INPP4A: variants seen among roughly 807,000 people sequenced by gnomAD.
INPP4A encodes the protein inositol polyphosphate-4-phosphatase, type I, 107kD.
Under a neutral mutation model 119.8 loss-of-function variants are expected in INPP4A, and 33 were observed. The ratio of observed to expected loss-of-function variants is 0.28; its 90% CI spans 0.21 to 0.37. The LOEUF (loss-of-function observed/expected upper bound fraction) is 0.37, where lower values mean the gene tolerates loss of function less well. Among genes scored for constraint, INPP4A ranks in the 10% least tolerant of loss-of-function variants. The probability of loss-of-function intolerance (pLI) is 1.00; values close to 1 mark genes in which losing one functional copy is unlikely to be tolerated. For missense variants in INPP4A, 956 were observed against 1,289.9 expected (o/e 0.74, Z 3.97); for synonymous variants, 496 against 500.7 (o/e 0.99, Z 0.12).
In INPP4A at chr2:98,480,943, C is replaced by T. The variant is rs540901940; in HGVS notation, c.-166+35858C>T. On this transcript the variant is annotated intron_variant, in intron 1 of 24. Coordinates refer to ENST00000409851, the MANE Select transcript of INPP4A (RefSeq NM_001134225.2). ...CCAGCCCCAGGAAGGAGTTGTGGTGCTGCACGTGCTCCATTCTCACATGCT... is the reference window on the plus strand; with the variant it reads ...CCAGCCCCAGGAAGGAGTTGTGGTGTTGCACGTGCTCCATTCTCACATGCT... Among the ~76,000 whole-genome samples, 26 of 152,338 alleles carry T rather than the reference C, an allele frequency of 1.7e-4. No individual in the cohort carries two copies. The South Asian group carries it at 5.4e-3, about 32-fold the overall frequency.
intron 1 of INPP4A, among the ~76,000 whole-genome samples, chr2:98,475,898 T>A (rs1179960395): frequency 3.3e-5 from 5 of 152,254 alleles, no homozygotes; most frequent in Non-Finnish European, 7.3e-5. Context: ...GTTTTTATTT[T>A]AAATTTTTTT....
intron 1 of INPP4A, among the ~76,000 whole-genome samples, chr2:98,463,497 TG>T (rs1464579307): frequency 7.9e-5 from 12 of 152,262 alleles, no homozygotes; most frequent in Admixed American, 5.9e-4. Context: ...GGAGTCATGT[TG>T]GTTGGTGGTC....
Position 98,577,111 on chromosome 2 carries a change from G to A in INPP4A, c.2754G>A (p.Gln918=), listed in dbSNP as rs1698548720. 1 of 1,613,460 alleles carries A rather than the reference G, an allele frequency of 6.2e-7. No individual in the cohort carries two copies. The highest frequency in any genetic ancestry group is 2.2e-5 in the East Asian group (1 of 44,858). The part of the protein sequence containing the change: ...ILQHEHGMAP[Q]VFTQALECMR... Reference sequence around the variant, plus strand: ...AACACGAGCATGGCATGGCCCCGCAGGTCTTCACCCAGGCCCTGGAGTGCA... The same window carrying A: ...AACACGAGCATGGCATGGCCCCGCAAGTCTTCACCCAGGCCCTGGAGTGCA... Residue 918 remains glutamine (Q), a synonymous_variant, in exon 24 of 25, where the codon CAG becomes CAA. Transcript: ENST00000409851.
intron 1 of INPP4A, among the ~76,000 whole-genome samples, chr2:98,460,247 A>G (rs1298854871): frequency 1.3e-5 from 2 of 152,108 alleles, no homozygotes; most frequent in Admixed American, 6.5e-5. Context: ...CACCCAGGAA[A>G]GGTGGCCTCT....
chr2:98,515,406 C>A (rs1685912829), intron 1 of INPP4A, among the ~76,000 whole-genome samples: 1 of 148,972 alleles, frequency 6.7e-6, no homozygotes, highest in Non-Finnish European at 1.5e-5. Context: ...CATTTGCTGC[C>A]ACAGTGACAG....
intron 5 of INPP4A, among the ~76,000 whole-genome samples, chr2:98,534,430 A>T (rs1689831439): frequency 6.6e-6 from 1 of 152,198 alleles, no homozygotes; most frequent in African/African-American, 2.4e-5. Context: ...GAGTCAGAGC[A>T]GGCTTCCTAG....
chr2:98,592,041 C>T lies in INPP4A; in HGVS notation c.*4433C>T, dbSNP rs2106581742. 6.6e-6 allele frequency: 1 copy of T among 152,318 alleles called. No individual in the cohort carries two copies. The highest frequency in any genetic ancestry group is 1.9e-4 in the East Asian group (1 of 5,190). 9.4% of individuals were successfully genotyped at this position (152,318 alleles called of 1,614,324 possible). ...GTTCTGTGTATAGGGGTATTGGGAA[C>T]ACATGGACAGAAGGAACTGGCCTCA... is the stretch of plus-strand genomic sequence containing the variant. On this transcript the variant is annotated 3_prime_UTR_variant, in exon 25 of 25. Coordinates refer to ENST00000409851, the MANE Select transcript of INPP4A (RefSeq NM_001134225.2).
intron 1 of INPP4A, among the ~76,000 whole-genome samples, chr2:98,469,285 T>C (rs1039714627): frequency 1.3e-5 from 2 of 151,642 alleles, no homozygotes; most frequent in African/African-American, 4.9e-5. Context: ...GATCACGAGG[T>C]CAGGAGTTCA....
Position 98,493,426 on chromosome 2 carries a change from A to ATTT in INPP4A, c.-165-25522_-165-25520dup, listed in dbSNP as rs371958433. Among the ~76,000 whole-genome samples, 148 of 123,084 alleles carry ATTT rather than the reference A, an allele frequency of 1.2e-3. 2 individuals carry two copies. Among genetic ancestry groups the ATTT allele is most frequent in the Middle Eastern group, 8.7e-3 (2 of 230 alleles). The allele number at this position is 123,084 out of a possible 152,430, so 80.7% of individuals were successfully genotyped here. ...GGGTGACTGTTATTTTTCTATTTCT[A>ATTT]TTTTTTTTTTTTTTTTTTGAGACAG... On this transcript the variant is annotated intron_variant, in intron 1 of 24. Transcript: ENST00000409851.
intron 11 of INPP4A, among the ~76,000 whole-genome samples, chr2:98,545,413 T>TGTGTATTGTGTA (rs1233856926): frequency 6.6e-6 from 1 of 152,156 alleles, no homozygotes; most frequent in Non-Finnish European, 1.5e-5. Context: ...AACATTGTAT[T>TGTGTATTGTGTA]TTGTGTGTCA....
At chr2:98,548,839 A>G in intron 13 of INPP4A, 1 of 983,378 alleles carries the variant, frequency 1.0e-6, no homozygotes, top group East Asian at 2.6e-5. Flanking sequence ...TGGGACCTCA[A>G]CAAATAATTT....
chr2:98,574,507 G>T (rs1034003808), intron 23 of INPP4A, among the ~76,000 whole-genome samples: 1 of 151,822 alleles, frequency 6.6e-6, no homozygotes, highest in East Asian at 1.9e-4. Context: ...GCGTGGTGAC[G>T]CATGCCTGTA....
intron 14 of INPP4A, 92 bp downstream of exon 14, chr2:98,553,061 C>T: frequency 1.0e-6 from 1 of 983,608 alleles, no homozygotes; most frequent in Non-Finnish European, 1.5e-6. Context: ...AGATGGTCCA[C>T]AAAGAGCGTG....
At chr2:98,565,896 T>A in intron 20 of INPP4A, 130 bp downstream of exon 20, 1 of 1,498,336 alleles carries the variant, frequency 6.7e-7, no homozygotes, top group Non-Finnish European at 9.1e-7. Context: ...GCCCCCTAGG[T>A]TAGTGCCACT....
intron 5 of INPP4A, among the ~76,000 whole-genome samples, chr2:98,535,407 C>T (rs975261810): frequency 6.6e-6 from 1 of 152,202 alleles, no homozygotes; most frequent in Non-Finnish European, 1.5e-5. Context: ...ATGTGGACAT[C>T]CAACTTGTTT....
chr2:98,581,588 G>T, intron 24 of INPP4A: 1 of 1,547,456 alleles, frequency 6.5e-7, no homozygotes, highest in Non-Finnish European at 8.7e-7. Context: ...TTGGAACACG[G>T]GAGGTAGTCA....
intron 1 of INPP4A, among the ~76,000 whole-genome samples, chr2:98,512,983 G>A (rs1197344489): frequency 6.6e-6 from 1 of 152,118 alleles, no homozygotes; most frequent in Non-Finnish European, 1.5e-5. Context: ...AAGCATATTT[G>A]ACTTTGTTTA....
At chr2:98,471,982 G>A (rs1676120421) in intron 1 of INPP4A, among the ~76,000 whole-genome samples, 1 of 152,234 alleles carries the variant, frequency 6.6e-6, no homozygotes, top group Admixed American at 6.5e-5. Context: ...GTGTGCTGGA[G>A]GGCCACCTGT....
rs1336073951 is a variant in INPP4A at position 98,538,912 on chromosome 2, A to G, written c.601A>G (p.Ser201Gly). The change falls in exon 9 of 25, where the codon AGC becomes GGC. Residue 201 changes from serine (S) to glycine (G), a missense_variant. Ser to Gly is a moderately conservative substitution (Grantham distance 56, BLOSUM62 0). Around this residue, in one of 2 missense-constraint regions of INPP4A, gnomAD observed 652 missense variants for 797.9 expected, o/e 0.82. Coordinates refer to ENST00000409851, the MANE Select transcript of INPP4A (RefSeq NM_001134225.2). ...NGRMVLPVDE[S>G]LTEALGIRSK... Reference sequence around the variant, plus strand: ...TCAGATGGTTCTTCCTGTCGATGAGAGCTTGACGGAGGCGTTAGGAATCCG... The same window carrying G: ...TCAGATGGTTCTTCCTGTCGATGAGGGCTTGACGGAGGCGTTAGGAATCCG... 6.2e-7 allele frequency: 1 copy of G among 1,609,604 alleles called. No individual in the cohort carries two copies. The highest frequency in any genetic ancestry group is 8.5e-7 in the Non-Finnish European group (1 of 1,176,516).
Sources: allele counts gnomAD v4.1 joint callset (sites outside exome capture counted in the v4.1 genomes callset), GRCh38; gene constraint gnomAD v4.1.1; regional missense constraint gnomAD v4.1.1; transcripts MANE v1.5; gene names NCBI Gene and HGNC (gene_info 2026-07-23, HGNC 2026-07-21).